Variants in SCML4 observed in about 807,000 individuals in gnomAD.
SCML4 encodes the protein Scm polycomb group protein like 4.
Under a neutral mutation model 41.1 loss-of-function variants are expected in SCML4, and 34 were observed. The observed-to-expected ratio is 0.83, with a 90% CI of 0.63 to 1.10. The LOEUF (loss-of-function observed/expected upper bound fraction) is 1.10, where lower values mean the gene tolerates loss of function less well. SCML4 is among the 50% of genes least tolerant of loss of function. The pLI is 0.00. For synonymous variants in SCML4, 214 were observed against 220.9 expected, an observed-to-expected ratio of 0.97 and a Z score of 0.28; for missense variants, 522 against 534.1, an observed-to-expected ratio of 0.98 and a Z score of 0.22.
upstream of SCML4, chr6:107,824,462 CTGTGTGTGTGTGTGTGTGTGTGTGTGTG>C (rs58212021): frequency 3.4e-3 from 454 of 134,948 alleles, 3 homozygotes; most frequent in African/African-American, 0.012. Flanking sequence ...AACGAGGCCT[CTGTGTGTGTGTGTGTGTGTGTGTGTGTG>C]TGTGTGTGTG....
intron 7 of SCML4, among the ~76,000 whole-genome samples, chr6:107,706,050 G>C (rs1164332167): frequency 2.0e-5 from 3 of 152,062 alleles, no homozygotes; most frequent in Admixed American, 6.5e-5. Flanking sequence ...GGAGACAAAG[G>C]GTAGAAATTT....
intron 1 of SCML4, among the ~76,000 whole-genome samples, chr6:107,810,162 T>A (rs9386669): frequency 0.42 from 63,972 of 151,878 alleles, 16,287 homozygotes; most frequent in East Asian, 0.7. Flanking sequence ...AAGAGGAGTC[T>A]GTGGCTATTA....
chr6:107,815,349 A>C (rs72935347), intron 1 of SCML4, among the ~76,000 whole-genome samples: 3 of 152,244 alleles, frequency 2.0e-5, no homozygotes, highest in African/African-American at 7.2e-5. Context: ...TTGTCTTGCC[A>C]TATAGAAATA....
At chr6:107,796,666 T>G (rs1325097370) in intron 1 of SCML4, among the ~76,000 whole-genome samples, 4 of 152,302 alleles carry the variant, frequency 2.6e-5, no homozygotes, top group African/African-American at 9.6e-5. Context: ...ATAGCAACCT[T>G]TTGTTTTATG....
intron 1 of SCML4, among the ~76,000 whole-genome samples, chr6:107,778,166 C>T (rs929613483): frequency 1.1e-4 from 14 of 133,164 alleles, no homozygotes; most frequent in African/African-American, 3.9e-4. Flanking sequence ...GCACTTCAGC[C>T]TGGACAACAG....
chr6:107,799,276 C>A (rs992950509), intron 1 of SCML4, among the ~76,000 whole-genome samples: 1 of 152,236 alleles, frequency 6.6e-6, no homozygotes, highest in South Asian at 2.1e-4. Flanking sequence ...AGTTTCATAT[C>A]TTCTTGATGA....
upstream of SCML4, among the ~76,000 whole-genome samples, chr6:107,826,789 C>T (rs571590864): frequency 2.8e-4 from 42 of 152,284 alleles, no homozygotes; most frequent in South Asian, 6.6e-3. Flanking sequence ...ATTGCTTGGG[C>T]GCGGTGGCTC....
intron 1 of SCML4, among the ~76,000 whole-genome samples, chr6:107,774,387 C>G (rs1363846415): frequency 2.6e-4 from 40 of 151,954 alleles, no homozygotes; most frequent in Non-Finnish European, 5.0e-4. Flanking sequence ...GGATGAGGGA[C>G]TATAAGCTCA....
chr6:107,779,409 G>T (rs1781308827), intron 1 of SCML4, among the ~76,000 whole-genome samples: 1 of 152,126 alleles, frequency 6.6e-6, no homozygotes, highest in Non-Finnish European at 1.5e-5. Context: ...GCAGAGCAGA[G>T]CAAGATAGAG....
At chr6:107,724,729 C>G (rs1195768324) in intron 5 of SCML4, among the ~76,000 whole-genome samples, 1 of 152,204 alleles carries the variant, frequency 6.6e-6, no homozygotes, top group African/African-American at 2.4e-5. Context: ...TCAGCACAAT[C>G]CCTGTCAGAA....
the SCML4 span, among the ~76,000 whole-genome samples, chr6:107,835,976 G>C: frequency 2.0e-5 from 3 of 152,110 alleles, no homozygotes; most frequent in Non-Finnish European, 4.4e-5. Flanking sequence ...CCTCCTACAA[G>C]TCTATTTCAG....
chr6:107,751,629 TCTTTCTTTCTTTCTTTC>T (rs1778675418), intron 2 of SCML4, among the ~76,000 whole-genome samples: 1 of 148,276 alleles, frequency 6.7e-6, no homozygotes, highest in Non-Finnish European at 1.5e-5. Context: ...TTTCTTTCTT[TCTTTCTTTCTTTCTTTC>T]TTTTTTGAGA....
At chr6:107,821,884 G>C (rs758923427) in intron 1 of SCML4, among the ~76,000 whole-genome samples, 17 of 152,158 alleles carry the variant, frequency 1.1e-4, no homozygotes, top group Non-Finnish European at 2.5e-4. Flanking sequence ...GTGTCATAAA[G>C]GATGTGTGGA....
At chr6:107,842,832 G>A in the SCML4 span, among the ~76,000 whole-genome samples, 2 of 152,046 alleles carry the variant, frequency 1.3e-5, no homozygotes, top group African/African-American at 4.8e-5. Flanking sequence ...AAGCACTGAT[G>A]TTAGGTATGT....
the SCML4 span, among the ~76,000 whole-genome samples, chr6:107,838,297 T>A: frequency 6.6e-6 from 1 of 151,894 alleles, no homozygotes; most frequent in African/African-American, 2.4e-5. Flanking sequence ...TGGTCAGGGC[T>A]GTGGCTCTCC....
upstream of SCML4, among the ~76,000 whole-genome samples, chr6:107,826,271 GA>G (rs1389820878): frequency 7.2e-6 from 1 of 139,130 alleles, no homozygotes; most frequent in African/African-American, 3.1e-5. Flanking sequence ...GAAAGAAAAA[GA>G]AAAGAAGAAA....
intron 1 of SCML4, among the ~76,000 whole-genome samples, chr6:107,778,220 A>AAAAAAAAAAAAAATATATAT (rs1781165829): frequency 2.6e-4 from 1 of 3,914 alleles, no homozygotes; most frequent in African/African-American, 4.4e-4. Context: ...AAAAAAAAAA[A>AAAAAAAAAAAAAATATATAT]AAATATATAT....
intron 1 of SCML4, among the ~76,000 whole-genome samples, chr6:107,785,747 A>C (rs918434883): frequency 6.6e-6 from 1 of 152,226 alleles, no homozygotes; most frequent in Non-Finnish European, 1.5e-5. Flanking sequence ...ACATCTGTAC[A>C]TGATATGGCA....
At chr6:107,752,633 A>G (rs1029351371) in intron 2 of SCML4, among the ~76,000 whole-genome samples, 3 of 152,088 alleles carry the variant, frequency 2.0e-5, no homozygotes, top group African/African-American at 7.2e-5. Context: ...TTCAAGGAGG[A>G]GATAGTGGTT....
Sources: allele counts gnomAD v4.1 joint callset (sites outside exome capture counted in the v4.1 genomes callset), GRCh38; gene constraint gnomAD v4.1.1; transcripts MANE v1.5; gene names NCBI Gene and HGNC (gene_info 2026-07-23, HGNC 2026-07-21).